The following ZBTB20 variants were observed in gnomAD, a reference collection of about 807,000 sequenced individuals.
The protein encoded by ZBTB20 is zinc finger and BTB domain-containing protein 20.
A neutral mutation model predicts 56.9 loss-of-function variants in ZBTB20; 9 were observed. That is an observed-to-expected ratio of 0.16 (90% CI 0.10 to 0.28). ZBTB20 has a LOEUF of 0.28. ZBTB20 is among the 10% of genes least tolerant of loss of function. The pLI is 1.00. For missense variants in ZBTB20, 655 were observed against 1,003.0 expected (o/e 0.65, Z 4.69); for synonymous variants, 417 against 420.7 (o/e 0.99, Z 0.11).
intron 6 of ZBTB20, among the ~76,000 whole-genome samples, chr3:114,518,008 C>A (rs1333549042): frequency 6.6e-6 from 1 of 152,184 alleles, no homozygotes; most frequent in Non-Finnish European, 1.5e-5. Flanking sequence ...AACAACAAAT[C>A]TCACAGTCCG....
chr3:114,909,396 T>C (rs1469079202), intron 3 of ZBTB20, among the ~76,000 whole-genome samples: 1 of 152,054 alleles, frequency 6.6e-6, no homozygotes, highest in Non-Finnish European at 1.5e-5. Context: ...AGTTAAAAAA[T>C]ATGTTTATAA....
chr3:115,032,171 A>G (rs2080714250), intron 2 of ZBTB20, among the ~76,000 whole-genome samples: 1 of 151,456 alleles, frequency 6.6e-6, no homozygotes, highest in Admixed American at 6.6e-5. Context: ...GAAAGGCAAC[A>G]TAACAGCACG....
Position 114,554,483 on chromosome 3 carries a change from A to G in ZBTB20, c.-294-54092T>C, listed in dbSNP as rs2050960885. 2.6e-5 allele frequency among the ~76,000 whole-genome samples: 4 copies of G among 152,176 alleles called. No individual in the cohort carries two copies. In the South Asian group the frequency reaches 8.3e-4, roughly 31 times the overall value. ...TTTGCTCAGAGCAATACCTTGGGCA[A>G]CACTGAGAACTCCCATCTCTAAGGT... On this transcript the variant is annotated intron_variant, in intron 6 of 11. Transcript: ENST00000675478.
chr3:114,925,271 G>A (rs918842075), intron 3 of ZBTB20, among the ~76,000 whole-genome samples: 12 of 151,788 alleles, frequency 7.9e-5, no homozygotes, highest in Admixed American at 2.0e-4. Context: ...GTGAGCCACC[G>A]CACCTGGCCA....
intron 5 of ZBTB20, among the ~76,000 whole-genome samples, chr3:114,768,667 G>C (rs570094512): frequency 6.6e-6 from 1 of 152,068 alleles, no homozygotes; most frequent in African/African-American, 2.4e-5. Flanking sequence ...ATAATGTTTC[G>C]CATAGTAATT....
chr3:114,793,395 TAG>T (rs1436894449), intron 5 of ZBTB20, among the ~76,000 whole-genome samples: 1 of 152,140 alleles, frequency 6.6e-6, no homozygotes, highest in Non-Finnish European at 1.5e-5. Flanking sequence ...TCAGTAGATC[TAG>T]GTTATTGGAA....
At chr3:114,464,677 A>C (rs1225403966) in intron 7 of ZBTB20, among the ~76,000 whole-genome samples, 1 of 152,212 alleles carries the variant, frequency 6.6e-6, no homozygotes, top group Non-Finnish European at 1.5e-5. Context: ...ATTCTGGTCA[A>C]GGAGGTGAAG....
chr3:114,506,923 A>G (rs1293276914), intron 6 of ZBTB20, among the ~76,000 whole-genome samples: 2 of 152,204 alleles, frequency 1.3e-5, no homozygotes, highest in Non-Finnish European at 1.5e-5. Flanking sequence ...CTAACGGTTC[A>G]CACTTGAATC....
intron 2 of ZBTB20, among the ~76,000 whole-genome samples, chr3:115,003,651 G>T (rs891848698): frequency 2.0e-5 from 3 of 151,508 alleles, no homozygotes; most frequent in African/African-American, 7.3e-5. Flanking sequence ...GAAACATAGT[G>T]AGCACGCCCC....
intron 1 of ZBTB20, among the ~76,000 whole-genome samples, chr3:115,096,166 G>T (rs1229899541): frequency 2.0e-5 from 3 of 152,114 alleles, no homozygotes; most frequent in African/African-American, 7.2e-5. Context: ...TAAAGATTTG[G>T]TTTCTAATTT....
chr3:114,902,971 A>G (rs1415256183), intron 3 of ZBTB20, among the ~76,000 whole-genome samples: 2 of 152,156 alleles, frequency 1.3e-5, no homozygotes, highest in Non-Finnish European at 2.9e-5. Flanking sequence ...ATAATCAGCA[A>G]TGCCCTTCTG....
At chr3:115,047,396 A>G (rs1261886474) in intron 2 of ZBTB20, among the ~76,000 whole-genome samples, 1 of 152,172 alleles carries the variant, frequency 6.6e-6, no homozygotes, top group Non-Finnish European at 1.5e-5. Flanking sequence ...TGGGCTTTCT[A>G]TTTGTGCTTC....
chr3:114,436,107 A>C (rs927717116), intron 7 of ZBTB20, among the ~76,000 whole-genome samples: 2 of 152,202 alleles, frequency 1.3e-5, no homozygotes, highest in Admixed American at 1.3e-4. Flanking sequence ...ATTTCCTGGC[A>C]ACAAATACTA....
intron 7 of ZBTB20, among the ~76,000 whole-genome samples, chr3:114,439,096 A>C (rs991883757): frequency 6.6e-6 from 1 of 152,146 alleles, no homozygotes; most frequent in East Asian, 1.9e-4. Flanking sequence ...TGTCACAGTC[A>C]CTAATCCGTG....
intron 2 of ZBTB20, among the ~76,000 whole-genome samples, chr3:115,049,574 C>A (rs1472237674): frequency 1.3e-5 from 2 of 152,104 alleles, no homozygotes; most frequent in Admixed American, 1.3e-4. Flanking sequence ...TTGTGCACCT[C>A]TCAAGTGAAG....
At chr3:114,558,709 T>C (rs2051594247) in intron 6 of ZBTB20, among the ~76,000 whole-genome samples, 1 of 152,148 alleles carries the variant, frequency 6.6e-6, no homozygotes, top group South Asian at 2.1e-4. Context: ...CATTAGATTC[T>C]ACTACAAAAA....
rs1441879334 is a variant in ZBTB20 at position 114,391,707 on chromosome 3, C to T, written c.-254-2602G>A. Among the ~76,000 whole-genome samples, 6 of 152,278 alleles carry T rather than the reference C, an allele frequency of 3.9e-5. No individual in the cohort carries two copies. The East Asian group carries it at 1.2e-3, about 29-fold the overall frequency. On this transcript the variant is annotated intron_variant, in intron 7 of 11. Coordinates refer to ENST00000675478, the MANE Select transcript of ZBTB20 (RefSeq NM_001348800.3). ...AATTTAAAAAGAATAAACCCTCTTGCCTTGAGTCATAGAAACGGGGACTAA... is the reference window on the plus strand; with the variant it reads ...AATTTAAAAAGAATAAACCCTCTTGTCTTGAGTCATAGAAACGGGGACTAA...
At chr3:114,763,103 T>A (rs186691175) in intron 5 of ZBTB20, among the ~76,000 whole-genome samples, 13 of 152,294 alleles carry the variant, frequency 8.5e-5, no homozygotes, top group Non-Finnish European at 1.5e-4. Context: ...AATAAAAAGG[T>A]GACTTAATCC....
At chr3:114,938,951 G>C (rs775529226) in intron 3 of ZBTB20, among the ~76,000 whole-genome samples, 12 of 145,500 alleles carry the variant, frequency 8.2e-5, no homozygotes, top group Non-Finnish European at 1.3e-4. Context: ...CCCTGAACCA[G>C]AGTTACCCAT....
Sources: gnomAD v4.1 joint callset for allele counts (sites outside exome capture counted in the v4.1 genomes callset) on GRCh38, gnomAD v4.1.1 for gene constraint, MANE v1.5 for transcripts, NCBI Gene and HGNC (gene_info 2026-07-23, HGNC 2026-07-21) for gene names.